Variants in SLC16A2 observed in about 807,000 individuals in gnomAD.
The protein encoded by SLC16A2 is solute carrier family 16 member 2.
SLC16A2 carries 3 observed loss-of-function variants against 27.2 expected under a neutral mutation model. The observed-to-expected ratio is 0.11, with a 90% CI of 0.05 to 0.28. The LOEUF (loss-of-function observed/expected upper bound fraction) is 0.28. Among genes scored for constraint, SLC16A2 ranks in the 10% least tolerant of loss-of-function variants. The pLI, the probability that SLC16A2 is intolerant of heterozygous loss-of-function variation, is 1.00. For missense variants in SLC16A2, 295 were observed against 458.5 expected (o/e 0.64, Z 3.26); for synonymous variants, 202 against 187.8 (o/e 1.08, Z -0.62).
rs147051480 is a variant in SLC16A2, at chrX:74,481,881, G to T, written c.431-39109G>T. 3.3e-3 allele frequency among the ~76,000 whole-genome samples: 361 copies of T among 109,060 alleles called. 2 individuals carry two copies. Among genetic ancestry groups the T allele is most frequent in the African/African-American group, 0.012 (349 of 30,028 alleles). The allele number at this position is 109,060 out of a possible 115,157, so 94.7% of individuals were successfully genotyped here. On this transcript the variant is annotated intron_variant, in intron 1 of 5. Transcript: ENST00000587091. ...TCACCCTTTAAAAGTGTACAATTCA[G>T]TGTTTTAAATGTATTTTCAATGTCT...
chrX:74,429,193 C>A (rs1928482177), intron 1 of SLC16A2, among the ~76,000 whole-genome samples: 1 of 111,306 alleles, frequency 9.0e-6, no homozygotes, highest in African/African-American at 3.3e-5. Context: ...ATAGGCCAGG[C>A]CCAGTGGCTC....
intron 1 of SLC16A2, among the ~76,000 whole-genome samples, chrX:74,503,238 C>T (rs938569852): frequency 6.3e-5 from 7 of 110,828 alleles, no homozygotes; most frequent in Non-Finnish European, 1.3e-4. Context: ...TCAGCCACCT[C>T]ACACAGACCC....
chrX:74,520,847 C>G (rs965843173), intron 1 of SLC16A2, 143 bp from the exon 2 acceptor site: 2 of 624,826 alleles, frequency 3.2e-6, no homozygotes, highest in African/African-American at 4.4e-5. Flanking sequence ...GCAAAACTCT[C>G]TGAACATCAG....
rs150365496 is a variant in SLC16A2 at position 74,463,688 on chromosome X, G to A, written c.430+41621G>A. Among the ~76,000 whole-genome samples the A allele has an allele frequency of 9.2e-3, 1,014 of 110,732 alleles. 13 individuals are homozygous for A. The highest frequency in any genetic ancestry group is 0.032 in the African/African-American group (969 of 30,472). ...ACTACAGGCGCCTGCCACCATACCC[G>A]GCTAATTTTTTTGTATTTTTAGTAG... is the stretch of plus-strand genomic sequence containing the variant. On this transcript the variant is annotated intron_variant, in intron 1 of 5. Coordinates refer to ENST00000587091, the MANE Select transcript of SLC16A2 (RefSeq NM_006517.5).
intron 1 of SLC16A2, among the ~76,000 whole-genome samples, chrX:74,465,199 C>T (rs1392817177): frequency 8.9e-6 from 1 of 112,115 alleles, no homozygotes; most frequent in Non-Finnish European, 1.9e-5. Context: ...TTTTATTTTA[C>T]ATTTCCTTAA....
intron 1 of SLC16A2, among the ~76,000 whole-genome samples, chrX:74,433,513 C>A (rs372728248): frequency 8.1e-5 from 9 of 111,232 alleles, no homozygotes; most frequent in African/African-American, 2.6e-4. Context: ...GCACCCCTCC[C>A]TCCCCTGTCT....
At chrX:74,456,546 A>G (rs1929044173) in intron 1 of SLC16A2, among the ~76,000 whole-genome samples, 1 of 111,000 alleles carries the variant, frequency 9.0e-6, no homozygotes, top group Non-Finnish European at 1.9e-5. Context: ...AACAACAACA[A>G]CCACTACTAC....
chrX:74,472,026 C>T (rs769753115), intron 1 of SLC16A2, among the ~76,000 whole-genome samples: 14 of 112,139 alleles, frequency 1.2e-4, no homozygotes, highest in African/African-American at 4.2e-4. Context: ...TATATACACA[C>T]ATACATACAT....
chrX:74,495,182 G>A (rs1929910621), intron 1 of SLC16A2, among the ~76,000 whole-genome samples: 1 of 111,849 alleles, frequency 8.9e-6, no homozygotes, highest in Non-Finnish European at 1.9e-5. Flanking sequence ...GCCCGAGTGA[G>A]GGGCTTTCTG....
At chrX:74,448,765 C>T (rs910261962) in intron 1 of SLC16A2, among the ~76,000 whole-genome samples, 1 of 111,611 alleles carries the variant, frequency 9.0e-6, no homozygotes, top group African/African-American at 3.3e-5. Context: ...CCAGTGGCAC[C>T]AGGTTACCTG....
intron 1 of SLC16A2, among the ~76,000 whole-genome samples, chrX:74,422,402 G>T (rs1602100145): frequency 9.0e-6 from 1 of 110,541 alleles, no homozygotes; most frequent in Non-Finnish European, 1.9e-5. Context: ...GCCCCTGTGT[G>T]CTGGGGGAAA....
At position 74,518,621 on chromosome X, in the gene SLC16A2, A is replaced by G. The variant is rs761892387; in HGVS notation, c.431-2369A>G. 5.4e-5 allele frequency among the ~76,000 whole-genome samples: 6 copies of G among 110,824 alleles called. No individual in the cohort carries two copies. In the South Asian group the frequency reaches 1.5e-3, roughly 28 times the overall value. On this transcript the variant is annotated intron_variant, in intron 1 of 5. Coordinates refer to ENST00000587091, the MANE Select transcript of SLC16A2 (RefSeq NM_006517.5). ...AAAAAAAAAGAAAAAGAAAAGAAAA[A>G]AGGCTTTCTTGGTAAGGGCTATCTC...
At chrX:74,491,722 G>A (rs1055100412) in intron 1 of SLC16A2, among the ~76,000 whole-genome samples, 3 of 112,548 alleles carry the variant, frequency 2.7e-5, no homozygotes, top group African/African-American at 6.5e-5. Flanking sequence ...TTAAATACCA[G>A]AGACTCTTGC....
chrX:74,508,721 T>C (rs757276219), intron 1 of SLC16A2, among the ~76,000 whole-genome samples: 10 of 111,587 alleles, frequency 9.0e-5, no homozygotes, highest in Non-Finnish European at 1.5e-4. Flanking sequence ...TAACTTTTAT[T>C]TTAGGTTTGG....
intron 1 of SLC16A2, among the ~76,000 whole-genome samples, chrX:74,490,582 T>C (rs769018257): frequency 4.5e-5 from 5 of 110,921 alleles, no homozygotes; most frequent in African/African-American, 6.6e-5. Flanking sequence ...ATAAGCCTTT[T>C]TTAAAACTAA....
At chrX:74,509,968 T>A (rs938648821) in intron 1 of SLC16A2, among the ~76,000 whole-genome samples, 1 of 112,473 alleles carries the variant, frequency 8.9e-6, no homozygotes. Flanking sequence ...TCTTGTGATG[T>A]TTTTTATCTG....
intron 1 of SLC16A2, among the ~76,000 whole-genome samples, chrX:74,454,719 A>C (rs1929011583): frequency 9.1e-6 from 1 of 110,264 alleles, no homozygotes; most frequent in African/African-American, 3.3e-5. Flanking sequence ...CTAAAACTTA[A>C]AATAAAAAAA....
intron 1 of SLC16A2, among the ~76,000 whole-genome samples, chrX:74,494,286 A>G (rs982475192): frequency 8.1e-5 from 9 of 111,720 alleles, no homozygotes; most frequent in African/African-American, 2.9e-4. Context: ...GTTATGGAAA[A>G]TTTCAAGCCT....
rs186926167 is a variant in SLC16A2 at position 74,462,897 on chromosome X, T to A, written c.430+40830T>A. On this transcript the variant is annotated intron_variant, in intron 1 of 5. Transcript: ENST00000587091. Reference sequence around the variant, plus strand: ...ACTGCCCACAGACTCAACAAAGGGATCTGGCCTGAGAAGCCCAAAACACTT... The same window carrying A: ...ACTGCCCACAGACTCAACAAAGGGAACTGGCCTGAGAAGCCCAAAACACTT... Among the ~76,000 whole-genome samples the A allele has an allele frequency of 8.0e-5, 9 of 112,010 alleles. No individual in the cohort carries two copies. The Admixed American group carries it at 8.5e-4, about 11-fold the overall frequency.
Sources: allele counts gnomAD v4.1 joint callset (sites outside exome capture counted in the v4.1 genomes callset), GRCh38; gene constraint gnomAD v4.1.1; transcripts MANE v1.5; gene names NCBI Gene and HGNC (gene_info 2026-07-23, HGNC 2026-07-21).